FAM53B: variants seen among roughly 807,000 people sequenced by gnomAD.
FAM53B encodes the protein protein FAM53B.
FAM53B carries 12 observed loss-of-function variants against 32.7 expected under a neutral mutation model. The observed-to-expected ratio is 0.37, with a 90% CI of 0.24 to 0.59. FAM53B has a LOEUF of 0.59. Among genes scored for constraint, FAM53B ranks in the 20% least tolerant of loss-of-function variants. The pLI is 0.72. For missense variants in FAM53B, 477 were observed against 577.7 expected (o/e 0.83, Z 1.79); for synonymous variants, 234 against 228.7 (o/e 1.02, Z -0.21).
At chr10:124,664,897 C>T (rs1043691019) in intron 4 of FAM53B, among the ~76,000 whole-genome samples, 2 of 152,200 alleles carry the variant, frequency 1.3e-5, no homozygotes, top group Admixed American at 6.5e-5. Flanking sequence ...CTGCTCGATC[C>T]AGGACTGTTG....
intron 3 of FAM53B, among the ~76,000 whole-genome samples, chr10:124,692,565 A>G (rs2134075326): frequency 6.6e-6 from 1 of 152,052 alleles, no homozygotes; most frequent in African/African-American, 2.4e-5. Flanking sequence ...AAATACAAAA[A>G]TTAGCCGGGC....
rs576140554 is a variant in FAM53B, at chr10:124,634,575, G to A, written c.907-10971C>T. On this transcript the variant is annotated intron_variant, in intron 4 of 4. Coordinates refer to ENST00000337318, the MANE Select transcript of FAM53B (RefSeq NM_014661.4). ...TCTCACCTGCCGCCATGTGAAGAAG[G>A]ATGTGTTTGCTTCCCCTTCCGCCAT... is the stretch of plus-strand genomic sequence containing the variant. Among the ~76,000 whole-genome samples the A allele has an allele frequency of 2.6e-5, 4 of 152,366 alleles. No individual in the cohort carries two copies. The East Asian group carries it at 5.8e-4, about 22-fold the overall frequency.
At chr10:124,738,218 G>C (rs1443841458) in intron 1 of FAM53B, among the ~76,000 whole-genome samples, 1 of 152,074 alleles carries the variant, frequency 6.6e-6, no homozygotes, top group African/African-American at 2.4e-5. Flanking sequence ...AGGTATGCAT[G>C]GGGTCTATTA....
At position 124,729,183 on chromosome 10, in the gene FAM53B, C is replaced by T. The variant is rs11812299; in HGVS notation, c.-175+14830G>A. Among the ~76,000 whole-genome samples, 1,158 of 152,310 alleles carry T rather than the reference C, an allele frequency of 7.6e-3. 19 individuals carry two copies. Among genetic ancestry groups the T allele is most frequent in the African/African-American group, 0.027 (1,105 of 41,550 alleles). On this transcript the variant is annotated intron_variant, in intron 1 of 4. Coordinates refer to ENST00000337318, the MANE Select transcript of FAM53B (RefSeq NM_014661.4). ...TTTTGGGCACATGCAATTAGTCTCC[C>T]TGAGGGCTGGGACAGCAGTGAGAAA...
At chr10:124,714,267 T>C (rs1041168818) in intron 1 of FAM53B, 1 of 152,114 alleles carries the variant, frequency 6.6e-6, no homozygotes, top group Non-Finnish European at 1.5e-5. Context: ...CCAGGGCCTC[T>C]ACTTTCCCAG....
At chr10:124,694,911 G>A (rs543667833) in intron 3 of FAM53B, among the ~76,000 whole-genome samples, 6 of 152,124 alleles carry the variant, frequency 3.9e-5, no homozygotes, top group Non-Finnish European at 7.4e-5. Flanking sequence ...GTCTCCCTTC[G>A]TCACCCACCT....
chr10:124,649,521 C>T (rs1390461210), intron 4 of FAM53B, among the ~76,000 whole-genome samples: 3 of 152,210 alleles, frequency 2.0e-5, no homozygotes, highest in Non-Finnish European at 2.9e-5. Context: ...GTCTGCCCTC[C>T]GTCGCATAAC....
At chr10:124,661,578 C>T (rs752666201) in intron 4 of FAM53B, among the ~76,000 whole-genome samples, 4 of 152,216 alleles carry the variant, frequency 2.6e-5, no homozygotes, top group Non-Finnish European at 4.4e-5. Context: ...TCCCGCACTG[C>T]GAGGTCTCTC....
In FAM53B at chr10:124,700,020, C is replaced by T. The variant is rs535209313; in HGVS notation, c.79-3808G>A. Among the ~76,000 whole-genome samples, 192 of 152,346 alleles carry T rather than the reference C, an allele frequency of 1.3e-3. 3 individuals are homozygous for T. The South Asian group carries it at 0.023, about 18-fold the overall frequency. On this transcript the variant is annotated intron_variant, in intron 2 of 4. Coordinates refer to ENST00000337318, the MANE Select transcript of FAM53B (RefSeq NM_014661.4). ...ACAAAGGAGGAACCCTGACTGATTT[C>T]GTGCTTGACCTCAAGACCAGATCAC... is the stretch of plus-strand genomic sequence containing the variant.
intron 4 of FAM53B, among the ~76,000 whole-genome samples, chr10:124,644,184 C>T (rs981341120): frequency 2.6e-5 from 4 of 152,196 alleles, no homozygotes; most frequent in Admixed American, 1.3e-4. Flanking sequence ...TTGTCTACCG[C>T]CTGGTCACTT....
chr10:124,643,774 A>C (rs73379051), intron 4 of FAM53B, among the ~76,000 whole-genome samples: 1 of 152,344 alleles, frequency 6.6e-6, no homozygotes, highest in African/African-American at 2.4e-5. Context: ...GTGAGGATGG[A>C]AGGCTCAGAA....
intron 1 of FAM53B, among the ~76,000 whole-genome samples, chr10:124,710,523 C>T (rs181631000): frequency 1.6e-4 from 24 of 152,270 alleles, no homozygotes; most frequent in African/African-American, 3.4e-4. Flanking sequence ...AGGACCAGGC[C>T]GGAGACTTCG....
intron 4 of FAM53B, among the ~76,000 whole-genome samples, chr10:124,631,476 C>G (rs1949390676): frequency 1.3e-5 from 2 of 152,196 alleles, no homozygotes; most frequent in Non-Finnish European, 2.9e-5. Flanking sequence ...GCCCTGTGGA[C>G]TCCACTCATC....
chr10:124,693,246 C>T (rs546563122), intron 3 of FAM53B, among the ~76,000 whole-genome samples: 2 of 151,774 alleles, frequency 1.3e-5, no homozygotes, highest in East Asian at 1.9e-4. Flanking sequence ...CTGAGGCAGG[C>T]GGATCACGAG....
chr10:124,703,799 GCACAGATTCT>G (rs1949931767), intron 2 of FAM53B: 1 of 152,402 alleles, frequency 6.6e-6, no homozygotes. Flanking sequence ...CAGGAAGAAA[GCACAGATTCT>G]AATCTGTGTG....
intron 4 of FAM53B, among the ~76,000 whole-genome samples, chr10:124,630,333 A>G (rs1365784097): frequency 6.6e-6 from 1 of 152,190 alleles, no homozygotes; most frequent in Admixed American, 6.5e-5. Context: ...AGGATCACTG[A>G]AGCCCAGGTG....
At chr10:124,670,238 C>T (rs1489712494) in intron 4 of FAM53B, among the ~76,000 whole-genome samples, 5 of 152,222 alleles carry the variant, frequency 3.3e-5, no homozygotes, top group Non-Finnish European at 5.9e-5. Context: ...GGGGCCCTGC[C>T]TAAGCATCTC....
At position 124,682,288 on chromosome 10, in the gene FAM53B, G is replaced by A. The variant is rs145746217; in HGVS notation, c.225C>T (p.Asp75=). The change falls in exon 4 of 5, where the codon GAC becomes GAT. Residue 75 remains aspartate, a synonymous_variant. Transcript: ENST00000337318. The surrounding 1 kb of genome is among the most constrained non-coding windows in gnomAD (Gnocchi z 5.2). ...CTGCCTCCCGGTGCCATAGTGAGCTGTCCTTTTCAGGCAGGCATTCCCAGA... is the reference window on the plus strand; with the variant it reads ...CTGCCTCCCGGTGCCATAGTGAGCTATCCTTTTCAGGCAGGCATTCCCAGA... ...TSIWECLPEK[D]SSLWHREAVT... The A allele has an allele frequency of 5.8e-4, 938 of 1,613,902 alleles. 1 individual carries two copies. The highest frequency in any genetic ancestry group is 9.9e-4 in the Middle Eastern group (6 of 6,084).
chr10:124,649,551 C>G (rs1475584392), intron 4 of FAM53B, among the ~76,000 whole-genome samples: 1 of 152,210 alleles, frequency 6.6e-6, no homozygotes, highest in Non-Finnish European at 1.5e-5. Context: ...TGCCAAAATC[C>G]CAGCCACTGC....
Sources: allele counts gnomAD v4.1 joint callset (sites outside exome capture counted in the v4.1 genomes callset), GRCh38; gene constraint gnomAD v4.1.1; non-coding constraint Gnocchi (gnomAD v3.1); transcripts MANE v1.5; gene names NCBI Gene and HGNC (gene_info 2026-07-23, HGNC 2026-07-21).